UGT1A10: variants seen among roughly 807,000 people sequenced by gnomAD.
UGT1A10 encodes UDP glucuronosyltransferase family 1 member A10, also known as UDP-glucuronosyltransferase 1A10.
Under a neutral mutation model 45.8 loss-of-function variants are expected in UGT1A10, and 49 were observed. The observed-to-expected ratio is 1.07, with a 90% CI of 0.85 to 1.36. The LOEUF (loss-of-function observed/expected upper bound fraction) is 1.36. UGT1A10 is among the 40% of genes most tolerant of loss of function. The pLI, the probability that UGT1A10 is intolerant of heterozygous loss-of-function variation, is 0.00. For missense variants in UGT1A10, 745 were observed against 668.6 expected (o/e 1.11, Z -1.26); for synonymous variants, 284 against 249.7 (o/e 1.14, Z -1.29).
intron 1 of UGT1A10, chr2:233,649,132 T>G: frequency 1.5e-6 from 1 of 680,786 alleles, no homozygotes. Flanking sequence ...GCATCTAAAA[T>G]TTCTTTTCTG....
At position 233,713,313 on chromosome 2, in the gene UGT1A10, A is replaced by T. The variant is rs766255913; in HGVS notation, c.856-53721A>T. On this transcript the variant is annotated intron_variant, in intron 1 of 4. Transcript: ENST00000344644. ...GTTCTTTGAAACAGAACATCTTCTG[A>T]TGAAATTTTCTAGAAGAATGGCAAT... is the stretch of plus-strand genomic sequence containing the variant. 7 of 1,614,222 alleles carry T rather than the reference A, an allele frequency of 4.3e-6. No homozygotes were observed. The Admixed American group carries it at 1.0e-4, about 23-fold the overall frequency.
chr2:233,751,623 T>C (rs985380326), intron 1 of UGT1A10, among the ~76,000 whole-genome samples: 2 of 152,166 alleles, frequency 1.3e-5, no homozygotes, highest in African/African-American at 4.8e-5. Context: ...GATTGGATCA[T>C]GTGTGCAGTT....
At chr2:233,748,122 C>T (rs1693872650) in intron 1 of UGT1A10, 8 of 1,610,986 alleles carry the variant, frequency 5.0e-6, no homozygotes, top group Non-Finnish European at 8.5e-7. Context: ...CCAGGCAAAA[C>T]AGTTTTTAAA....
chr2:233,680,313 T>C (rs1352162267), intron 1 of UGT1A10, among the ~76,000 whole-genome samples: 1 of 152,168 alleles, frequency 6.6e-6, no homozygotes, highest in Non-Finnish European at 1.5e-5. Context: ...TGCAATTTAC[T>C]AGAGAGAAGA....
chr2:233,665,128 A>G (rs2074046290), intron 1 of UGT1A10, among the ~76,000 whole-genome samples: 2 of 152,210 alleles, frequency 1.3e-5, no homozygotes, highest in African/African-American at 4.8e-5. Context: ...CAGGCTGGAC[A>G]TATTGTTCTT....
chr2:233,773,017 C>A lies in UGT1A10; in HGVS notation c.*458C>A. 4.9e-6 allele frequency: 1 copy of A among 206,174 alleles called. No individual in the cohort carries two copies. The allele number at this position is 206,174 out of a possible 1,614,324, so 12.8% of individuals were successfully genotyped here. ...CTCTGTCGTGCTTCATAGGTGCCAC[C>A]TTGTGTGTTTAAAGAAGGGAAGCTT... On this transcript the variant is annotated 3_prime_UTR_variant, in exon 5 of 5. Transcript: ENST00000344644.
intron 1 of UGT1A10, chr2:233,682,846 A>T: frequency 5.8e-6 from 9 of 1,544,208 alleles, no homozygotes; most frequent in Non-Finnish European, 7.8e-6. Flanking sequence ...GGAAATTAAA[A>T]GATTTCTTAC....
chr2:233,640,350 G>A (rs997521937), intron 1 of UGT1A10, among the ~76,000 whole-genome samples: 2 of 151,850 alleles, frequency 1.3e-5, no homozygotes, highest in African/African-American at 2.4e-5. Context: ...CATTTTTTTA[G>A]TGGAAATTCT....
At chr2:233,731,882 C>A (rs2078215677) in intron 1 of UGT1A10, among the ~76,000 whole-genome samples, 2 of 152,208 alleles carry the variant, frequency 1.3e-5, no homozygotes, top group Admixed American at 6.5e-5. Context: ...AATGGTTGAA[C>A]TAATTTACAC....
At chr2:233,639,548 G>A (rs568952948) in intron 1 of UGT1A10, among the ~76,000 whole-genome samples, 1 of 152,306 alleles carries the variant, frequency 6.6e-6, no homozygotes, top group South Asian at 2.1e-4. Context: ...AGTCTCATCT[G>A]TCTGATGAGA....
intron 1 of UGT1A10, chr2:233,690,956 C>A (rs1575444725): frequency 4.0e-6 from 4 of 1,008,150 alleles, no homozygotes; most frequent in African/African-American, 3.5e-5. Flanking sequence ...TCTGTAGGGA[C>A]TTCTGGGACT....
At chr2:233,653,659 C>T (rs1235277279) in intron 1 of UGT1A10, among the ~76,000 whole-genome samples, 2 of 152,094 alleles carry the variant, frequency 1.3e-5, no homozygotes, top group Non-Finnish European at 1.5e-5. Context: ...TGCAGTGGTG[C>T]GATCTCAGCT....
At chr2:233,710,364 A>G (rs1054910663) in intron 1 of UGT1A10, among the ~76,000 whole-genome samples, 1 of 152,224 alleles carries the variant, frequency 6.6e-6, no homozygotes, top group Non-Finnish European at 1.5e-5. Context: ...CAGTTATACA[A>G]TTTTACATTC....
intron 1 of UGT1A10, among the ~76,000 whole-genome samples, chr2:233,637,928 T>C (rs1402799919): frequency 6.6e-6 from 1 of 151,894 alleles, no homozygotes; most frequent in Non-Finnish European, 1.5e-5. Flanking sequence ...CATAAAATTC[T>C]TTACTTTGGA....
chr2:233,729,808 T>A, intron 1 of UGT1A10: 1 of 1,613,986 alleles, frequency 6.2e-7, no homozygotes, highest in Non-Finnish European at 8.5e-7. Context: ...CCATGCTTTT[T>A]CTGCTCCTTA....
intron 1 of UGT1A10, among the ~76,000 whole-genome samples, chr2:233,739,589 C>T (rs894733553): frequency 6.6e-6 from 1 of 152,224 alleles, no homozygotes; most frequent in African/African-American, 2.4e-5. Flanking sequence ...TGCATGGGGC[C>T]TATAGCCCCT....
At chr2:233,753,889 A>G (rs1695337033) in intron 1 of UGT1A10, among the ~76,000 whole-genome samples, 1 of 152,212 alleles carries the variant, frequency 6.6e-6, no homozygotes, top group Non-Finnish European at 1.5e-5. Context: ...AGCCTTCAGA[A>G]GGAACATGCT....
At chr2:233,738,563 C>T (rs899585698) in intron 1 of UGT1A10, among the ~76,000 whole-genome samples, 1 of 152,184 alleles carries the variant, frequency 6.6e-6, no homozygotes, top group African/African-American at 2.4e-5. Context: ...GATGAGGAAT[C>T]TGTTGAGAAC....
intron 1 of UGT1A10, among the ~76,000 whole-genome samples, chr2:233,655,128 T>TAAAG (rs912388758): frequency 8.6e-5 from 13 of 151,944 alleles, no homozygotes; most frequent in African/African-American, 2.2e-4. Flanking sequence ...AACAGAATAC[T>TAAAG]AAAGAAAGAA....
Sources: gnomAD v4.1 joint callset for allele counts (sites outside exome capture counted in the v4.1 genomes callset) on GRCh38, gnomAD v4.1.1 for gene constraint, MANE v1.5 for transcripts, NCBI Gene and HGNC (gene_info 2026-07-23, HGNC 2026-07-21) for gene names.